BTRC: variants seen among roughly 807,000 people sequenced by gnomAD.
BTRC encodes F-box/WD repeat-containing protein 1A.
BTRC carries 42 observed loss-of-function variants against 85.5 expected under a neutral mutation model. The ratio of observed to expected loss-of-function variants is 0.49; its 90% CI spans 0.38 to 0.64. The LOEUF is 0.64. BTRC is among the 30% of genes least tolerant of loss of function. The pLI is 0.00. For missense variants in BTRC, 594 were observed against 743.5 expected (o/e 0.80, Z 2.34); for synonymous variants, 255 against 263.3 (o/e 0.97, Z 0.30).
chr10:101,462,300 T>G (rs952905981), intron 3 of BTRC, among the ~76,000 whole-genome samples: 4 of 152,184 alleles, frequency 2.6e-5, no homozygotes, highest in African/African-American at 7.2e-5. Flanking sequence ...TAAAAACAGA[T>G]CTGCCTGTAA....
intron 12 of BTRC, 146 bp downstream of exon 12, chr10:101,536,799 G>C: frequency 1.8e-6 from 1 of 561,144 alleles, no homozygotes. Flanking sequence ...TTTAATCCGT[G>C]TATTTACCTC....
At chr10:101,424,295 A>G (rs188011446) in intron 1 of BTRC, among the ~76,000 whole-genome samples, 181 of 152,320 alleles carry the variant, frequency 1.2e-3, no homozygotes, top group Non-Finnish European at 2.2e-3. Flanking sequence ...AAGGCTGGGC[A>G]GATATGATTA....
chr10:101,532,784 G>GTGTGTGTGTGTGTGTA (rs373538962), intron 8 of BTRC, among the ~76,000 whole-genome samples, 168 bp from the exon 9 acceptor site: 11 of 145,868 alleles, frequency 7.5e-5, no homozygotes, highest in East Asian at 6.1e-4. Flanking sequence ...GTGTGTGTGT[G>GTGTGTGTGTGTGTGTA]TGTGTGCGCG....
intron 1 of BTRC, among the ~76,000 whole-genome samples, chr10:101,356,814 C>CT (rs1427905597): frequency 2.0e-5 from 3 of 152,046 alleles, no homozygotes; most frequent in African/African-American, 7.2e-5. Flanking sequence ...TATAACATGT[C>CT]TGTTTATTCA....
At chr10:101,466,126 A>G (rs893522114) in intron 3 of BTRC, among the ~76,000 whole-genome samples, 13 of 152,270 alleles carry the variant, frequency 8.5e-5, no homozygotes, top group Admixed American at 3.3e-4. Context: ...CATTGGTGCT[A>G]ATAGGATCTG....
intron 6 of BTRC, among the ~76,000 whole-genome samples, chr10:101,527,830 T>C (rs568799840): frequency 5.9e-4 from 89 of 150,500 alleles, no homozygotes; most frequent in African/African-American, 2.1e-3. Flanking sequence ...AAAAGAATAT[T>C]ATTACTACTT....
At chr10:101,402,844 A>G (rs1478545592) in intron 1 of BTRC, among the ~76,000 whole-genome samples, 1 of 152,204 alleles carries the variant, frequency 6.6e-6, no homozygotes, top group East Asian at 1.9e-4. Context: ...TGTGTGTACA[A>G]CAGTGGGCTA....
At chr10:101,431,561 A>G (rs1189464951) in intron 2 of BTRC, among the ~76,000 whole-genome samples, 1 of 152,102 alleles carries the variant, frequency 6.6e-6, no homozygotes, top group East Asian at 1.9e-4. Flanking sequence ...AGGTATTTGG[A>G]ATTTGTGTTT....
At chr10:101,526,385 CT>C (rs2062191480) in intron 6 of BTRC, among the ~76,000 whole-genome samples, 186 bp downstream of exon 6, 1 of 152,314 alleles carries the variant, frequency 6.6e-6, no homozygotes, top group African/African-American at 2.4e-5. Flanking sequence ...TTACCTGTCA[CT>C]CACAAAATGA....
chr10:101,546,930 CA>C (rs1365718770), intron 13 of BTRC, among the ~76,000 whole-genome samples: 1 of 152,118 alleles, frequency 6.6e-6, no homozygotes, highest in Non-Finnish European at 1.5e-5. Context: ...TGAATTCTAC[CA>C]AACATTTGAA....
At chr10:101,498,854 G>A (rs1031310358) in intron 4 of BTRC, among the ~76,000 whole-genome samples, 5 of 152,034 alleles carry the variant, frequency 3.3e-5, no homozygotes, top group African/African-American at 1.2e-4. Flanking sequence ...GTAGCTGGGT[G>A]TAGTGGTGCG....
chr10:101,518,865 GTT>G (rs575044203), intron 4 of BTRC, among the ~76,000 whole-genome samples: 48 of 152,080 alleles, frequency 3.2e-4, no homozygotes, highest in African/African-American at 1.1e-3. Context: ...AATCCTATTA[GTT>G]TTTTGTTAAT....
intron 2 of BTRC, among the ~76,000 whole-genome samples, chr10:101,439,979 T>C (rs923780044): frequency 1.3e-5 from 2 of 152,268 alleles, no homozygotes; most frequent in Non-Finnish European, 2.9e-5. Flanking sequence ...TATTATCCAG[T>C]GTCTTTAACA....
intron 6 of BTRC, among the ~76,000 whole-genome samples, chr10:101,528,928 G>A (rs1461235385): frequency 1.3e-5 from 2 of 152,086 alleles, no homozygotes; most frequent in African/African-American, 4.8e-5. Context: ...ATATCTAGAT[G>A]GATTTGACAG....
intron 1 of BTRC, among the ~76,000 whole-genome samples, chr10:101,373,162 C>T (rs1942688647): frequency 6.6e-6 from 1 of 152,068 alleles, no homozygotes; most frequent in South Asian, 2.1e-4. Flanking sequence ...GGTCTGTGGC[C>T]CCTGTACAAG....
At chr10:101,372,033 A>T (rs750727121) in intron 1 of BTRC, among the ~76,000 whole-genome samples, 1 of 152,030 alleles carries the variant, frequency 6.6e-6, no homozygotes, top group Non-Finnish European at 1.5e-5. Flanking sequence ...TTTCTATTGC[A>T]GGGTCATTTT....
chr10:101,471,546 T>A (rs1214112031), intron 3 of BTRC, among the ~76,000 whole-genome samples: 1 of 152,200 alleles, frequency 6.6e-6, no homozygotes, highest in Non-Finnish European at 1.5e-5. Flanking sequence ...TTTTCTTTTT[T>A]AAGTGTTTGC....
At chr10:101,498,844 G>C (rs1413432042) in intron 4 of BTRC, among the ~76,000 whole-genome samples, 1 of 151,932 alleles carries the variant, frequency 6.6e-6, no homozygotes, top group Non-Finnish European at 1.5e-5. Flanking sequence ...TACAAAAAAA[G>C]TAGCTGGGTG....
chr10:101,516,516 C>G (rs539691649), intron 4 of BTRC, among the ~76,000 whole-genome samples: 5 of 152,220 alleles, frequency 3.3e-5, no homozygotes, highest in Non-Finnish European at 7.4e-5. Flanking sequence ...CAAAAAAATA[C>G]TCGTTTTGAG....
Sources: allele counts gnomAD v4.1 joint callset (sites outside exome capture counted in the v4.1 genomes callset), GRCh38; gene constraint gnomAD v4.1.1; transcripts MANE v1.5; gene names NCBI Gene and HGNC (gene_info 2026-07-23, HGNC 2026-07-21).